Variants in SIPA1L1 observed in about 807,000 individuals in gnomAD.
The protein encoded by SIPA1L1 is signal induced proliferation associated 1 like 1.
In SIPA1L1, 26 loss-of-function variants were observed where a neutral mutation model predicts 162.7. The observed-to-expected ratio is 0.16, with a 90% CI of 0.12 to 0.22. The LOEUF (loss-of-function observed/expected upper bound fraction) is 0.22, where lower values mean the gene tolerates loss of function less well. Among genes scored for constraint, SIPA1L1 ranks in the 10% least tolerant of loss-of-function variants. SIPA1L1 has a pLI of 1.00. For synonymous variants in SIPA1L1, 829 were observed against 837.4 expected, an observed-to-expected ratio of 0.99 and a Z score of 0.17; for missense variants, 1,874 against 2,241.0, an observed-to-expected ratio of 0.84 and a Z score of 3.31.
intron 4 of SIPA1L1, among the ~76,000 whole-genome samples, chr14:71,557,181 A>G (rs1187915074): frequency 6.6e-6 from 1 of 152,174 alleles, no homozygotes. Context: ...CTTTGCATAT[A>G]TTCAGTGTAT....
chr14:71,478,498 GAT>G (rs1279368317), intron 2 of SIPA1L1, among the ~76,000 whole-genome samples: 4 of 152,168 alleles, frequency 2.6e-5, no homozygotes, highest in African/African-American at 9.6e-5. Flanking sequence ...TTTACATTTA[GAT>G]ATATATGATT....
chr14:71,382,095 G>A (rs960383525), intron 2 of SIPA1L1, among the ~76,000 whole-genome samples: 1 of 152,164 alleles, frequency 6.6e-6, no homozygotes, highest in Admixed American at 6.5e-5. Context: ...GCCAATCCAA[G>A]TTAACATTTT....
intron 7 of SIPA1L1, among the ~76,000 whole-genome samples, chr14:71,624,650 C>A (rs971807470): frequency 6.6e-6 from 1 of 152,154 alleles, no homozygotes; most frequent in African/African-American, 2.4e-5. Flanking sequence ...CATTTAATCT[C>A]CCTACACTGT....
intron 7 of SIPA1L1, among the ~76,000 whole-genome samples, chr14:71,637,180 A>G (rs898107172): frequency 4.6e-5 from 7 of 151,794 alleles, no homozygotes; most frequent in African/African-American, 1.7e-4. Flanking sequence ...AAAAGATGAT[A>G]AAATTGAAAA....
chr14:71,417,500 A>AAAAG (rs2042885532), intron 2 of SIPA1L1, among the ~76,000 whole-genome samples: 2 of 146,410 alleles, frequency 1.4e-5, no homozygotes, highest in African/African-American at 2.5e-5. Flanking sequence ...AAAAAAAAAA[A>AAAAG]AAAGAAAATC....
intron 13 of SIPA1L1, among the ~76,000 whole-genome samples, chr14:71,694,569 G>A (rs544756607): frequency 2.4e-3 from 366 of 152,098 alleles, no homozygotes; most frequent in African/African-American, 8.3e-3. Context: ...TTTTAAAAAT[G>A]TTTAGTTATT....
intron 12 of SIPA1L1, among the ~76,000 whole-genome samples, chr14:71,676,897 T>C (rs958212565): frequency 8.5e-5 from 13 of 152,202 alleles, no homozygotes; most frequent in African/African-American, 2.7e-4. Flanking sequence ...TTGGGTTGGT[T>C]CCAAGTCTTG....
chr14:71,738,161 TAAAAAA>T (rs34549978), intron 22 of SIPA1L1, 74 bp from the exon 23 acceptor site: 1,753 of 366,456 alleles, frequency 4.8e-3, no homozygotes, highest in South Asian at 6.1e-3. Flanking sequence ...CTCCTCAGAG[TAAAAAA>T]AAAAAAAAAA....
At chr14:71,520,727 A>G (rs974000520) in intron 3 of SIPA1L1, among the ~76,000 whole-genome samples, 19 of 151,518 alleles carry the variant, frequency 1.3e-4, no homozygotes, top group African/African-American at 4.6e-4. Flanking sequence ...GTTATATGGA[A>G]CTCCTCAATT....
At chr14:71,442,086 T>C (rs1232275600) in intron 2 of SIPA1L1, among the ~76,000 whole-genome samples, 3 of 141,854 alleles carry the variant, frequency 2.1e-5, no homozygotes, top group Non-Finnish European at 3.0e-5. Flanking sequence ...GGCAGGGGAA[T>C]GGCTTGAACC....
intron 2 of SIPA1L1, among the ~76,000 whole-genome samples, chr14:71,467,487 A>C (rs2047093124): frequency 6.6e-6 from 1 of 152,252 alleles, no homozygotes; most frequent in East Asian, 1.9e-4. Context: ...TGCAAAGCCC[A>C]AATCTAAGCA....
At chr14:71,409,938 C>G (rs923862008) in intron 2 of SIPA1L1, among the ~76,000 whole-genome samples, 1 of 152,118 alleles carries the variant, frequency 6.6e-6, no homozygotes, top group South Asian at 2.1e-4. Flanking sequence ...TTTGGGCTGC[C>G]TTGTCTTGAA....
In SIPA1L1 at chr14:71,597,860, G is replaced by T. The variant is rs146366246; in HGVS notation, c.1498+8490G>T. Among the ~76,000 whole-genome samples the T allele has an allele frequency of 2.9e-4, 44 of 152,252 alleles. 1 individual carries two copies. Among genetic ancestry groups the T allele is most frequent in the Non-Finnish European group, 4.7e-4 (32 of 68,002 alleles). On this transcript the variant is annotated intron_variant, in intron 5 of 23. Coordinates refer to ENST00000381232, the MANE Select transcript of SIPA1L1 (RefSeq NM_001386936.1). ...GACCTGACCCACCCTAGCACCTCTT[G>T]TTCTGCATGATGATTTCTATGCTGC...
At chr14:71,408,394 G>A (rs2042173247) in intron 2 of SIPA1L1, among the ~76,000 whole-genome samples, 1 of 152,110 alleles carries the variant, frequency 6.6e-6, no homozygotes. Flanking sequence ...ATTTAGGCTA[G>A]GTTTAGAATT....
chr14:71,554,557 C>G (rs1472671836), intron 4 of SIPA1L1, among the ~76,000 whole-genome samples: 1 of 152,302 alleles, frequency 6.6e-6, no homozygotes, highest in African/African-American at 2.4e-5. Flanking sequence ...ACACTTCCCA[C>G]AGGTGACCTT....
At chr14:71,405,002 A>T (rs1472681301) in intron 2 of SIPA1L1, among the ~76,000 whole-genome samples, 1 of 152,218 alleles carries the variant, frequency 6.6e-6, no homozygotes. Context: ...GCATTTAAGG[A>T]TGAATAAAAA....
chr14:71,447,836 T>C (rs930640939), intron 2 of SIPA1L1, among the ~76,000 whole-genome samples: 1 of 152,172 alleles, frequency 6.6e-6, no homozygotes, highest in African/African-American at 2.4e-5. Flanking sequence ...CCCAAAATGC[T>C]AGGATTACAG....
At chr14:71,592,490 G>GT (rs1274554836) in intron 5 of SIPA1L1, among the ~76,000 whole-genome samples, 4 of 152,172 alleles carry the variant, frequency 2.6e-5, no homozygotes, top group Non-Finnish European at 5.9e-5. Context: ...TGTTGAAGGA[G>GT]TACATCAGTG....
intron 19 of SIPA1L1, among the ~76,000 whole-genome samples, chr14:71,727,866 C>A (rs1261327787): frequency 5.9e-5 from 9 of 152,190 alleles, no homozygotes; most frequent in African/African-American, 1.2e-4. Context: ...GGTTCTCCTA[C>A]CTTTTAATGA....
Sources: gnomAD v4.1 joint callset for allele counts (sites outside exome capture counted in the v4.1 genomes callset) on GRCh38, gnomAD v4.1.1 for gene constraint, MANE v1.5 for transcripts, NCBI Gene and HGNC (gene_info 2026-07-23, HGNC 2026-07-21) for gene names.